TTC39A: variants seen among roughly 807,000 people sequenced by gnomAD.
TTC39A encodes tetratricopeptide repeat domain 39A.
In TTC39A, 46 loss-of-function variants were observed where a neutral mutation model predicts 82.3. That is an observed-to-expected ratio of 0.56 (90% CI 0.44 to 0.71). The LOEUF (loss-of-function observed/expected upper bound fraction) is 0.71, where lower values mean the gene tolerates loss of function less well. Among genes scored for constraint, TTC39A ranks in the 30% least tolerant of loss-of-function variants. The probability of loss-of-function intolerance (pLI) is 0.00; values close to 1 mark genes in which losing one functional copy is unlikely to be tolerated. For synonymous variants in TTC39A, 254 were observed against 275.2 expected, an observed-to-expected ratio of 0.92 and a Z score of 0.76; for missense variants, 543 against 712.9, an observed-to-expected ratio of 0.76 and a Z score of 2.71.
At chr1:51,327,523 G>A (rs988494719) in intron 1 of TTC39A, among the ~76,000 whole-genome samples, 14 of 152,218 alleles carry the variant, frequency 9.2e-5, no homozygotes, top group Admixed American at 5.2e-4. Context: ...TTACTTGCTG[G>A]ATAACCTTGG....
rs3748615 is a variant in TTC39A, at chr1:51,288,050, G to A, written c.*107C>T. The A allele has an allele frequency of 0.082, 121,460 of 1,485,310 alleles. 5,238 individuals carry two copies. The highest frequency in any genetic ancestry group is 0.12 in the East Asian group (5,117 of 41,310). 92.0% of individuals were successfully genotyped at this position (1,485,310 alleles called of 1,614,324 possible). A position where few individuals can be genotyped will look rare whatever the true frequency, so the allele number is the denominator to read the frequency against. ...TGTTGTGCCATCCAACTGGAGTGCC[G>A]GTGGACCCCAAAGGCAGGGCAGGGC... On this transcript the variant is annotated 3_prime_UTR_variant, in exon 18 of 18. Transcript: ENST00000680483. This position sits in a 1 kb window ranked among gnomAD's most constrained non-coding sequence, Gnocchi z 4.8.
chr1:51,344,948 TC>T, intron 1 of TTC39A: 1 of 1,525,610 alleles, frequency 6.6e-7, no homozygotes, highest in Non-Finnish European at 8.8e-7. Flanking sequence ...GGCCCCTTGG[TC>T]CCGTCCGCGC....
upstream of TTC39A, among the ~76,000 whole-genome samples, chr1:51,332,100 A>G (rs1376626437): frequency 6.6e-6 from 1 of 152,210 alleles, no homozygotes; most frequent in Non-Finnish European, 1.5e-5. Flanking sequence ...CTCCCTTGTC[A>G]CTTGTTAGTC....
At chr1:51,341,501 AAAAGGAC>A (rs1646036820) in intron 1 of TTC39A, among the ~76,000 whole-genome samples, 1 of 152,122 alleles carries the variant, frequency 6.6e-6, no homozygotes, top group African/African-American at 2.4e-5. Context: ...AATGACCCCC[AAAAGGAC>A]CTAAATGTTC....
rs541203120 is a variant in TTC39A, at chr1:51,324,954, A to G, written c.42-3129T>C. ...TCTCTCCCATAATTGCCAAAGATAC[A>G]TCTTTAAAACCCACATCTGTCTGGG... On this transcript the variant is annotated intron_variant, in intron 1 of 17. Coordinates refer to ENST00000680483, the MANE Select transcript of TTC39A (RefSeq NM_001297663.2). Among the ~76,000 whole-genome samples the G allele has an allele frequency of 2.0e-5, 3 of 152,198 alleles. No homozygotes were observed. The East Asian group carries it at 5.8e-4, about 30-fold the overall frequency.
rs1645852261 is a variant in TTC39A, at chr1:51,330,175, CTG to C, written c.41+260_41+261del. 1.0e-6 allele frequency: 1 copy of C among 985,554 alleles called. No individual in the cohort carries two copies. The allele number at this position is 985,554 out of a possible 1,614,324, so 61.1% of individuals were successfully genotyped here. ...GTGGGGAAGGCTGCTCTGAACGTGT[CTG>C]TGACTACAGCTCCGTGAGAAAGTTG... On this transcript the variant is annotated intron_variant, in intron 1 of 17. Coordinates refer to ENST00000680483, the MANE Select transcript of TTC39A (RefSeq NM_001297663.2). The surrounding 1 kb of genome is among the most constrained non-coding windows in gnomAD (Gnocchi z 4.5).
rs1304380011 is a variant in TTC39A, at chr1:51,330,449, G to A, written c.29C>T (p.Ala10Val). MTSAGGAPG[A>V]LPAGTPESSL... ...GCCGCGCACTTACCCCGCGGGCAGG[G>A]CTCCTGGGGCGCCGCCAGCCGAGGT... Residue 10 changes from alanine (A) to valine (V), a missense_variant, in exon 1 of 18, where the codon GCC becomes GTC. Coordinates refer to ENST00000680483, the MANE Select transcript of TTC39A (RefSeq NM_001297663.2). The surrounding 1 kb of genome is among the most constrained non-coding windows in gnomAD (Gnocchi z 4.5). The A allele has an allele frequency of 4.1e-6, 4 of 983,248 alleles. No individual in the cohort carries two copies. Among genetic ancestry groups the A allele is most frequent in the Admixed American group, 6.3e-5 (1 of 15,846 alleles). 60.9% of individuals were successfully genotyped at this position (983,248 alleles called of 1,614,324 possible).
chr1:51,296,266 G>A (rs961019832), intron 12 of TTC39A, 96 bp from the exon 13 acceptor site: 64 of 1,196,108 alleles, frequency 5.4e-5, no homozygotes, highest in Non-Finnish European at 9.6e-6. Context: ...CCCAGCACAG[G>A]AGCTCCCGTT....
chr1:51,321,705 G>A lies in TTC39A; in HGVS notation c.146+16C>T, dbSNP rs762789226. The A allele has an allele frequency of 5.0e-6, 8 of 1,612,192 alleles. No homozygotes were observed. Among genetic ancestry groups the A allele is most frequent in the Middle Eastern group, 1.7e-4 (1 of 6,060 alleles). On this transcript the variant is annotated intron_variant, in intron 2 of 17. Transcript: ENST00000680483. This position sits in a 1 kb window ranked among gnomAD's most constrained non-coding sequence, Gnocchi z 4.6. Reference sequence around the variant, plus strand: ...GTCATGCACACCCCCTACCCCAACCGGGGCTTGAGCCTCACCTGGGCTTGA... The same window carrying A: ...GTCATGCACACCCCCTACCCCAACCAGGGCTTGAGCCTCACCTGGGCTTGA...
chr1:51,324,188 GCTGT>G (rs1305952553), intron 1 of TTC39A, among the ~76,000 whole-genome samples: 2 of 152,156 alleles, frequency 1.3e-5, no homozygotes, highest in African/African-American at 4.8e-5. Flanking sequence ...CACCAGAAAT[GCTGT>G]CTAACTTTGC....
At chr1:51,320,596 C>T (rs1316750352) in intron 2 of TTC39A, among the ~76,000 whole-genome samples, 4 of 151,318 alleles carry the variant, frequency 2.6e-5, no homozygotes, top group Non-Finnish European at 5.9e-5. Flanking sequence ...AGACTATAGG[C>T]GCACACCACC....
At chr1:51,318,061 C>T (rs1310967107) in intron 2 of TTC39A, among the ~76,000 whole-genome samples, 2 of 152,176 alleles carry the variant, frequency 1.3e-5, no homozygotes, top group Non-Finnish European at 2.9e-5. Flanking sequence ...AATATTTTCT[C>T]CTGTGTTTCG....
At chr1:51,295,630 G>A (rs1465491653) in intron 13 of TTC39A, 1 of 175,828 alleles carries the variant, frequency 5.7e-6, no homozygotes, top group Non-Finnish European at 1.2e-5. Flanking sequence ...TACAGATGCT[G>A]AAGTTGTCCA....
upstream of TTC39A, among the ~76,000 whole-genome samples, chr1:51,335,835 A>C (rs951753057): frequency 6.6e-6 from 1 of 152,132 alleles, no homozygotes; most frequent in African/African-American, 2.4e-5. Context: ...TTGTAGAAAG[A>C]GCTTAAGCTG....
chr1:51,306,060 C>G lies in TTC39A; in HGVS notation c.505G>C (p.Val169Leu). The G allele has an allele frequency of 6.2e-7, 1 of 1,613,892 alleles. No homozygotes were observed. The highest frequency in any genetic ancestry group is 1.3e-5 in the African/African-American group (1 of 75,056). Reference protein sequence around the residue: ...YQTYKELDSLVQSSQYCKGEN... With the variant: ...YQTYKELDSLLQSSQYCKGEN... ...CCCTTGCAGTATTGTGAGGACTGAA[C>G]AAGGCTGTCCAGCTCCCTGCAGAGA... Residue 169 changes from valine (V) to leucine (L), a missense_variant, in exon 7 of 18, where the codon GTT becomes CTT. Coordinates refer to ENST00000680483, the MANE Select transcript of TTC39A (RefSeq NM_001297663.2).
chr1:51,287,732 C>T lies in TTC39A; in HGVS notation c.*425G>A, dbSNP rs1644043417. The T allele has an allele frequency of 6.0e-6, 1 of 167,044 alleles. No individual in the cohort carries two copies. Among genetic ancestry groups the T allele is most frequent in the Non-Finnish European group, 1.3e-5 (1 of 75,590 alleles). 10.3% of individuals were successfully genotyped at this position (167,044 alleles called of 1,614,324 possible). On this transcript the variant is annotated 3_prime_UTR_variant, in exon 18 of 18. Coordinates refer to ENST00000680483, the MANE Select transcript of TTC39A (RefSeq NM_001297663.2). ...CTGAGAACTTGCTGAATTTGAAAAGCAATTTGCCCTTTGGCATCATCATAT... is the reference window on the plus strand; with the variant it reads ...CTGAGAACTTGCTGAATTTGAAAAGTAATTTGCCCTTTGGCATCATCATAT...
upstream of TTC39A, chr1:51,331,877 A>G (rs1193273972): frequency 1.1e-6 from 1 of 944,266 alleles, no homozygotes; most frequent in East Asian, 1.2e-4. Context: ...CTTGAAGTTT[A>G]TATTATTTAA....
chr1:51,323,833 T>A (rs919160541), intron 1 of TTC39A, among the ~76,000 whole-genome samples: 7 of 152,220 alleles, frequency 4.6e-5, no homozygotes, highest in African/African-American at 1.7e-4. Context: ...CTATTCTATA[T>A]CTCATAATTC....
chr1:51,289,128 A>T (rs1266422735), intron 16 of TTC39A, among the ~76,000 whole-genome samples, 173 bp from the exon 17 acceptor site: 3 of 152,108 alleles, frequency 2.0e-5, no homozygotes, highest in Non-Finnish European at 2.9e-5. Context: ...CAGCTCCCTG[A>T]CAACCTATGG....
Sources: allele counts gnomAD v4.1 joint callset (sites outside exome capture counted in the v4.1 genomes callset), GRCh38; gene constraint gnomAD v4.1.1; non-coding constraint Gnocchi (gnomAD v3.1); transcripts MANE v1.5; gene names NCBI Gene and HGNC (gene_info 2026-07-23, HGNC 2026-07-21).